Variants in CNTN4 observed in about 807,000 individuals in gnomAD.
CNTN4 encodes the protein contactin-4.
Under a neutral mutation model 122.5 loss-of-function variants are expected in CNTN4, and 77 were observed. The ratio of observed to expected loss-of-function variants is 0.63; its 90% CI spans 0.52 to 0.76. The LOEUF is 0.76. Ranked by LOEUF, CNTN4 falls within the 30% of genes least tolerant of loss-of-function variation. The pLI, the probability that CNTN4 is intolerant of heterozygous loss-of-function variation, is 0.00. For synonymous variants in CNTN4, 512 were observed against 447.0 expected (o/e 1.15, Z -1.83); for missense variants, 1,256 against 1,259.1 (o/e 1.00, Z 0.04).
chr3:2,554,536 A>T (rs2149382976), intron 3 of CNTN4, among the ~76,000 whole-genome samples: 1 of 152,246 alleles, frequency 6.6e-6, no homozygotes, highest in Non-Finnish European at 1.5e-5. Flanking sequence ...AAAGCTTGAG[A>T]ACAGAAAAAA....
intron 13 of CNTN4, among the ~76,000 whole-genome samples, chr3:2,963,178 C>T (rs2094879293): frequency 6.6e-6 from 1 of 152,136 alleles, no homozygotes; most frequent in Admixed American, 6.5e-5. Context: ...CATCTGCCCC[C>T]ATCATTATCA....
chr3:2,772,576 C>T (rs1483140139), intron 6 of CNTN4, among the ~76,000 whole-genome samples: 1 of 152,070 alleles, frequency 6.6e-6, no homozygotes, highest in Non-Finnish European at 1.5e-5. Flanking sequence ...TGATTTATCA[C>T]ACAAACCTGG....
At chr3:2,142,864 C>T (rs190841782) in intron 2 of CNTN4, among the ~76,000 whole-genome samples, 47 of 152,310 alleles carry the variant, frequency 3.1e-4, no homozygotes, top group Non-Finnish European at 5.6e-4. Context: ...GAGTGAATTT[C>T]CACGTAACTT....
intron 2 of CNTN4, among the ~76,000 whole-genome samples, chr3:2,255,881 C>G (rs1153501): frequency 0.11 from 16,016 of 151,766 alleles, 1,158 homozygotes; most frequent in African/African-American, 0.21. Flanking sequence ...TTAAAAGAAC[C>G]AGAGAAGCAA....
chr3:2,657,986 G>C (rs1413684913), intron 4 of CNTN4, among the ~76,000 whole-genome samples: 1 of 149,810 alleles, frequency 6.7e-6, no homozygotes, highest in Non-Finnish European at 1.5e-5. Context: ...AGGATGAGTT[G>C]CCCATACAGA....
intron 2 of CNTN4, among the ~76,000 whole-genome samples, chr3:2,177,604 C>G (rs1407595148): frequency 6.6e-6 from 1 of 151,692 alleles, no homozygotes. Context: ...TTAATATGCT[C>G]TATATGCCAG....
intron 2 of CNTN4, among the ~76,000 whole-genome samples, chr3:2,117,710 A>G (rs567271137): frequency 6.6e-6 from 1 of 152,332 alleles, no homozygotes; most frequent in East Asian, 1.9e-4. Flanking sequence ...GGGGTGTAGG[A>G]CAAATACATA....
chr3:2,571,551 C>T lies in CNTN4; in HGVS notation c.48C>T (p.Cys16=). 1 of 1,612,244 alleles carries T rather than the reference C, an allele frequency of 6.2e-7. No homozygotes were observed. Among genetic ancestry groups the T allele is most frequent in the Admixed American group, 1.7e-5 (1 of 60,010 alleles). The change falls in exon 4 of 25, where the codon TGC becomes TGT. Residue 16 remains cysteine, a synonymous_variant. Coordinates refer to ENST00000418658, the MANE Select transcript of CNTN4 (RefSeq NM_175607.3). ...TGGTACTGCAATCATTCATTTTGTG[C>T]CTTGCAGGTAGAGTGTCATTTTAAA... ...ELLVLQSFIL[C]LADDSTLHGP...
chr3:2,966,771 T>C (rs1306136374), intron 13 of CNTN4, among the ~76,000 whole-genome samples: 2 of 152,186 alleles, frequency 1.3e-5, no homozygotes, highest in African/African-American at 4.8e-5. Context: ...CCCATAGTAA[T>C]TAAATATACA....
intron 4 of CNTN4, among the ~76,000 whole-genome samples, chr3:2,718,169 T>C (rs1025036351): frequency 6.6e-6 from 1 of 152,138 alleles, no homozygotes; most frequent in African/African-American, 2.4e-5. Flanking sequence ...ATCCTTCAAA[T>C]CACTAGGCTT....
chr3:2,755,485 G>T (rs2090293237), intron 6 of CNTN4, among the ~76,000 whole-genome samples: 1 of 152,118 alleles, frequency 6.6e-6, no homozygotes. Flanking sequence ...ACCCAAACTT[G>T]CTGAGTTTCT....
At chr3:2,423,008 A>T (rs2047669416) in intron 3 of CNTN4, among the ~76,000 whole-genome samples, 1 of 152,170 alleles carries the variant, frequency 6.6e-6, no homozygotes, top group African/African-American at 2.4e-5. Context: ...TCTTTTTCAC[A>T]TTAACTTAGG....
intron 7 of CNTN4, chr3:2,866,444 A>G: frequency 7.4e-6 from 9 of 1,220,526 alleles, no homozygotes; most frequent in Non-Finnish European, 9.3e-6. Context: ...AATACATGTT[A>G]CATAGTGCCT....
chr3:2,581,744 C>T (rs1449137725), intron 4 of CNTN4, among the ~76,000 whole-genome samples: 2 of 152,066 alleles, frequency 1.3e-5, no homozygotes, highest in South Asian at 2.1e-4. Context: ...AAAGTGGGAA[C>T]AATCCAAATG....
At chr3:2,897,069 T>G (rs1460578863) in intron 10 of CNTN4, among the ~76,000 whole-genome samples, 2 of 152,134 alleles carry the variant, frequency 1.3e-5, no homozygotes, top group Non-Finnish European at 2.9e-5. Flanking sequence ...TCCTGAGAAT[T>G]GTTTGACCCA....
intron 4 of CNTN4, among the ~76,000 whole-genome samples, chr3:2,634,917 T>TA (rs11370647): frequency 0.025 from 3,818 of 151,674 alleles, 178 homozygotes; most frequent in African/African-American, 0.087. Context: ...ACTTGAAATC[T>TA]AAAAAAAAGA....
intron 4 of CNTN4, among the ~76,000 whole-genome samples, chr3:2,720,450 C>A (rs1334178327): frequency 6.6e-6 from 1 of 152,114 alleles, no homozygotes; most frequent in Non-Finnish European, 1.5e-5. Context: ...TTTTCTGGGA[C>A]TTACACCTGA....
intron 3 of CNTN4, among the ~76,000 whole-genome samples, chr3:2,450,808 C>T (rs902864108): frequency 2.0e-5 from 3 of 152,182 alleles, no homozygotes; most frequent in Middle Eastern, 3.2e-3. Context: ...AAACAAGTTA[C>T]AGGCAAATAA....
At chr3:2,802,677 A>G (rs10222347) in intron 6 of CNTN4, among the ~76,000 whole-genome samples, 89,196 of 152,000 alleles carry the variant, frequency 0.59, 27,173 homozygotes, top group East Asian at 0.92. Flanking sequence ...CTAACCCTGT[A>G]TTTCCCCTAC....
Sources: gnomAD v4.1 joint callset for allele counts (sites outside exome capture counted in the v4.1 genomes callset) on GRCh38, gnomAD v4.1.1 for gene constraint, MANE v1.5 for transcripts, NCBI Gene and HGNC (gene_info 2026-07-23, HGNC 2026-07-21) for gene names.